Variants in MARCHF4 observed in about 807,000 individuals in gnomAD.
MARCHF4 encodes the protein E3 ubiquitin-protein ligase MARCHF4.
In MARCHF4, 14 loss-of-function variants were observed where a neutral mutation model predicts 43.9. The observed-to-expected ratio is 0.32, with a 90% confidence interval of 0.21 to 0.50. MARCHF4 has a LOEUF of 0.50. Among genes scored for constraint, MARCHF4 ranks in the 20% least tolerant of loss-of-function variants. MARCHF4 has a pLI of 0.98. For synonymous variants in MARCHF4, 226 were observed against 213.3 expected (o/e 1.06, Z -0.52); for missense variants, 468 against 536.7 (o/e 0.87, Z 1.27).
chr2:216,351,176 C>T (rs908615725), intron 1 of MARCHF4, among the ~76,000 whole-genome samples: 1 of 152,150 alleles, frequency 6.6e-6, no homozygotes, highest in Admixed American at 6.5e-5. Flanking sequence ...TGAATAGTTT[C>T]TAGAGTGGAA....
At chr2:216,367,278 A>T (rs1177629299) in intron 1 of MARCHF4, among the ~76,000 whole-genome samples, 1 of 151,684 alleles carries the variant, frequency 6.6e-6, no homozygotes, top group Non-Finnish European at 1.5e-5. Context: ...AAAACACAGA[A>T]ATTTTAGCGT....
intron 1 of MARCHF4, among the ~76,000 whole-genome samples, chr2:216,326,867 C>G (rs551492267): frequency 6.6e-6 from 1 of 151,416 alleles, no homozygotes; most frequent in South Asian, 2.1e-4. Context: ...TGCTAGATGA[C>G]GAGTTAGTGG....
intron 1 of MARCHF4, among the ~76,000 whole-genome samples, chr2:216,287,598 T>C (rs994308575): frequency 8.3e-6 from 1 of 121,190 alleles, no homozygotes; most frequent in African/African-American, 3.3e-5. Flanking sequence ...TGAGAACACG[T>C]GGACACAGGA....
intron 1 of MARCHF4, among the ~76,000 whole-genome samples, chr2:216,367,673 C>T (rs1363972977): frequency 1.3e-5 from 2 of 152,148 alleles, no homozygotes; most frequent in African/African-American, 2.4e-5. Flanking sequence ...AGAGCCCATT[C>T]CTTTACTGGT....
intron 1 of MARCHF4, among the ~76,000 whole-genome samples, chr2:216,355,909 A>T (rs1456509241): frequency 6.6e-6 from 1 of 152,060 alleles, no homozygotes; most frequent in Non-Finnish European, 1.5e-5. Context: ...CCTACCCACA[A>T]GCACACATAC....
intron 1 of MARCHF4, among the ~76,000 whole-genome samples, chr2:216,347,652 G>A (rs1423987841): frequency 4.0e-5 from 6 of 151,832 alleles, no homozygotes; most frequent in Non-Finnish European, 8.8e-5. Flanking sequence ...GCTTAAACCC[G>A]GGAGGCGGAA....
intron 1 of MARCHF4, among the ~76,000 whole-genome samples, chr2:216,295,089 T>C (rs932636589): frequency 1.3e-5 from 2 of 151,718 alleles, no homozygotes; most frequent in Non-Finnish European, 2.9e-5. Flanking sequence ...CTGATATGCA[T>C]GGGGTGATAC....
chr2:216,316,727 T>C (rs1259470363), intron 1 of MARCHF4, among the ~76,000 whole-genome samples: 1 of 152,178 alleles, frequency 6.6e-6, no homozygotes, highest in Non-Finnish European at 1.5e-5. Flanking sequence ...TATGTACTTC[T>C]TGCCCCACCC....
chr2:216,289,354 G>C (rs1436305341), intron 1 of MARCHF4, among the ~76,000 whole-genome samples: 2 of 151,710 alleles, frequency 1.3e-5, no homozygotes, highest in East Asian at 3.9e-4. Flanking sequence ...TTCTAAGCCA[G>C]TGAATTGCCT....
chr2:216,259,153 G>C lies in MARCHF4; in HGVS notation c.*159C>G, dbSNP rs1690699186. ...GATTGGAAATAGCAGAACTGCTCCT[G>C]CACCAGCCTCACTCCCGCTCTGACA... On this transcript the variant is annotated 3_prime_UTR_variant, in exon 4 of 4. Coordinates refer to ENST00000273067, the MANE Select transcript of MARCHF4 (RefSeq NM_020814.3). The C allele has an allele frequency of 9.6e-7, 1 of 1,038,220 alleles. No individual in the cohort carries two copies. The highest frequency in any genetic ancestry group is 1.6e-5 in the African/African-American group (1 of 63,062). The allele number at this position is 1,038,220 out of a possible 1,614,324, so 64.3% of individuals were successfully genotyped here.
intron 3 of MARCHF4, 200 bp from the exon 4 acceptor site, chr2:216,259,879 A>C (rs1690713463): frequency 5.1e-6 from 3 of 591,352 alleles, no homozygotes; most frequent in African/African-American, 1.9e-5. Context: ...GAGTCCATGA[A>C]ATAGTTGAGC....
chr2:216,273,587 G>A (rs1231521356), intron 3 of MARCHF4, among the ~76,000 whole-genome samples: 1 of 152,196 alleles, frequency 6.6e-6, no homozygotes, highest in African/African-American at 2.4e-5. Context: ...CTGCCAGGGA[G>A]CCTTCTCTTC....
intron 1 of MARCHF4, among the ~76,000 whole-genome samples, chr2:216,338,669 T>C (rs564949919): frequency 1.1e-4 from 16 of 152,134 alleles, no homozygotes; most frequent in Non-Finnish European, 1.9e-4. Context: ...TAGTTCCTGA[T>C]GTTAAAATCC....
rs1476794248 is a variant in MARCHF4 at position 216,313,487 on chromosome 2, G to A, written c.517-29758C>T. Among the ~76,000 whole-genome samples the A allele has an allele frequency of 5.3e-5, 8 of 152,184 alleles. No individual in the cohort carries two copies. In the East Asian group the frequency reaches 1.5e-3, roughly 29 times the overall value. On this transcript the variant is annotated intron_variant, in intron 1 of 3. Coordinates refer to ENST00000273067, the MANE Select transcript of MARCHF4 (RefSeq NM_020814.3). ...TGATATTAAATTCTAAAGACTAAAC[G>A]TTATGGCTTCCCTAGGCCTGATTGT...
At chr2:216,312,526 C>T (rs753273744) in intron 1 of MARCHF4, among the ~76,000 whole-genome samples, 47 of 152,114 alleles carry the variant, frequency 3.1e-4, no homozygotes, top group Non-Finnish European at 5.9e-4. Context: ...TAAGCATTCC[C>T]TTTTCTCCAT....
chr2:216,278,192 T>C (rs1691059006), intron 2 of MARCHF4, among the ~76,000 whole-genome samples: 1 of 151,996 alleles, frequency 6.6e-6, no homozygotes, highest in African/African-American at 2.4e-5. Context: ...CTAGTGAGGG[T>C]GGTGTTCTAG....
intron 2 of MARCHF4, among the ~76,000 whole-genome samples, chr2:216,281,312 C>T (rs1691123524): frequency 6.6e-6 from 1 of 152,162 alleles, no homozygotes. Context: ...ATCCTCCAGC[C>T]TCAGCCTCCC....
intron 1 of MARCHF4, among the ~76,000 whole-genome samples, chr2:216,289,108 G>A (rs763848249): frequency 6.1e-5 from 9 of 148,346 alleles, no homozygotes; most frequent in Non-Finnish European, 1.0e-4. Flanking sequence ...ACAGAGTCTC[G>A]CTCTGTCACC....
intron 1 of MARCHF4, among the ~76,000 whole-genome samples, chr2:216,362,367 G>A (rs1167709943): frequency 6.6e-6 from 1 of 152,250 alleles, no homozygotes; most frequent in African/African-American, 2.4e-5. Context: ...ACATGTGCAA[G>A]TAGCAGGGGA....
Sources: gnomAD v4.1 joint callset for allele counts (sites outside exome capture counted in the v4.1 genomes callset) on GRCh38, gnomAD v4.1.1 for gene constraint, MANE v1.5 for transcripts, NCBI Gene and HGNC (gene_info 2026-07-23, HGNC 2026-07-21) for gene names.